C9orf43: variants seen among roughly 807,000 people sequenced by gnomAD.
C9orf43 encodes the protein uncharacterized protein C9orf43.
C9orf43 carries 45 observed loss-of-function variants against 59.1 expected under a neutral mutation model. The observed-to-expected ratio is 0.76, with a 90% CI of 0.60 to 0.98. The LOEUF is 0.98. C9orf43 is among the 50% of genes least tolerant of loss of function. C9orf43 has a pLI of 0.00. For missense variants in C9orf43, 533 were observed against 554.9 expected, an observed-to-expected ratio of 0.96 and a Z score of 0.40; for synonymous variants, 203 against 196.8, an observed-to-expected ratio of 1.03 and a Z score of -0.26.
Position 113,423,414 on chromosome 9 carries a change from C to T in C9orf43, c.572C>T (p.Pro191Leu), listed in dbSNP as rs1160464964. Reference protein sequence around the residue: ...TPGMIVPPPTPVQLSEQFSSD... With the variant: ...TPGMIVPPPTLVQLSEQFSSD... ...GGGATGATCGTGCCTCCCCCAACCCCAGTGCAATTGTCTGAACAATTCAGT... is the reference window on the plus strand; with the variant it reads ...GGGATGATCGTGCCTCCCCCAACCCTAGTGCAATTGTCTGAACAATTCAGT... The change falls in exon 7 of 14, where the codon CCA becomes CTA. Residue 191 changes from proline (P) to leucine (L), a missense_variant. By Grantham distance (98) the Pro-to-Leu change is moderately conservative. Transcript: ENST00000374165. 2 of 1,614,120 alleles carry T rather than the reference C, an allele frequency of 1.2e-6. No homozygotes were observed. Among genetic ancestry groups the T allele is most frequent in the Non-Finnish European group, 1.7e-6 (2 of 1,179,974 alleles).
At chr9:113,415,670 C>CTTTTTT (rs919302860) in intron 3 of C9orf43, among the ~76,000 whole-genome samples, 2 of 148,454 alleles carry the variant, frequency 1.3e-5, no homozygotes, top group Admixed American at 1.3e-4. Flanking sequence ...AAAGCAGTGC[C>CTTTTTT]TTTTTTTTTT....
At chr9:113,422,831 G>C (rs997943851) in intron 6 of C9orf43, among the ~76,000 whole-genome samples, 3 of 150,906 alleles carry the variant, frequency 2.0e-5, no homozygotes, top group Admixed American at 6.6e-5. Flanking sequence ...TGCGTGTTCA[G>C]GGGGGGAGTT....
At chr9:113,419,776 A>G (rs1274090667) in intron 4 of C9orf43, among the ~76,000 whole-genome samples, 1 of 152,232 alleles carries the variant, frequency 6.6e-6, no homozygotes, top group Non-Finnish European at 1.5e-5. Flanking sequence ...CCTATCTTAT[A>G]TATCTTGCAG....
chr9:113,424,273 T>G lies in C9orf43; in HGVS notation c.764T>G (p.Ile255Ser), dbSNP rs766500320. The G allele has an allele frequency of 3.7e-6, 6 of 1,614,064 alleles. No individual in the cohort carries two copies. In the East Asian group the frequency reaches 1.3e-4, roughly 36 times the overall value. ...PLEKNRPDSV[I>S]SSKMFLSIHR... Reference sequence around the variant, plus strand: ...GAAAAGAACCGACCTGACAGTGTGATTTCTTCTAAGATGTTTCTATCTATA... The same window carrying G: ...GAAAAGAACCGACCTGACAGTGTGAGTTCTTCTAAGATGTTTCTATCTATA... Residue 255 changes from isoleucine to serine, a missense_variant, in exon 8 of 14, where the codon ATT (isoleucine) becomes AGT (serine). Transcript: ENST00000374165.
intron 5 of C9orf43, 133 bp downstream of exon 5, chr9:113,421,336 G>A (rs996447677): frequency 3.1e-6 from 2 of 642,046 alleles, no homozygotes; most frequent in Non-Finnish European, 5.5e-6. Flanking sequence ...GAAGGTCGTG[G>A]TCTGTTGCAT....
intron 4 of C9orf43, among the ~76,000 whole-genome samples, chr9:113,419,864 A>G (rs918142318): frequency 3.3e-5 from 5 of 152,198 alleles, no homozygotes; most frequent in African/African-American, 1.2e-4. Context: ...AAATTTAGGA[A>G]GAAAAAACCC....
At position 113,410,888 on chromosome 9, in the gene C9orf43, G is replaced by A. The variant is rs918809231; in HGVS notation, c.-163G>A. 1.0e-6 allele frequency: 1 copy of A among 955,672 alleles called. No individual in the cohort carries two copies. The highest frequency in any genetic ancestry group is 1.8e-5 in the African/African-American group (1 of 56,606). The allele number at this position is 955,672 out of a possible 1,614,324, so 59.2% of individuals were successfully genotyped here. A position where few individuals can be genotyped will look rare whatever the true frequency, so the allele number is the denominator to read the frequency against. On this transcript the variant is annotated 5_prime_UTR_variant, in exon 1 of 14. Coordinates refer to ENST00000374165, the MANE Select transcript of C9orf43 (RefSeq NM_001278629.2). Reference sequence around the variant, plus strand: ...ACAGGACCTCAGCCCGTCGTGATCAGATTCTCCCACTTTCTTTTTTCTTTC... The same window carrying A: ...ACAGGACCTCAGCCCGTCGTGATCAAATTCTCCCACTTTCTTTTTTCTTTC...
chr9:113,413,585 T>A lies in C9orf43; in HGVS notation c.92T>A (p.Ile31Asn). The A allele has an allele frequency of 6.2e-7, 1 of 1,614,228 alleles. No individual in the cohort carries two copies. The highest frequency in any genetic ancestry group is 8.5e-7 in the Non-Finnish European group (1 of 1,180,042). ...HPQCWATIRR[I>N]ERGHPRILGS... ...CAATGCTGGGCAACTATCCGCCGCA[T>A]TGAGAGGGGCCATCCTCGAATCCTC... is the stretch of plus-strand genomic sequence containing the variant. Residue 31 changes from isoleucine to asparagine, a missense_variant, in exon 2 of 14, where the codon ATT (isoleucine) becomes AAT (asparagine). Transcript: ENST00000374165.
chr9:113,425,125 C>T, intron 9 of C9orf43, 49 bp downstream of exon 9: 1 of 1,567,524 alleles, frequency 6.4e-7, no homozygotes. Flanking sequence ...TTCTGTTAGC[C>T]CACATTTCTC....
intron 1 of C9orf43, among the ~76,000 whole-genome samples, chr9:113,413,100 G>T (rs1445470839): frequency 1.3e-5 from 2 of 152,178 alleles, no homozygotes; most frequent in African/African-American, 4.8e-5. Context: ...GGAACAATAT[G>T]CCAGGCTTTT....
rs773390101 is a variant in C9orf43 at position 113,429,359 on chromosome 9, G to A, written c.1359G>A (p.Glu453=). 1 of 1,614,134 alleles carries A rather than the reference G, an allele frequency of 6.2e-7. No individual in the cohort carries two copies. The highest frequency in any genetic ancestry group is 8.5e-7 in the Non-Finnish European group (1 of 1,180,032). The change falls in exon 14 of 14, where the codon GAG becomes GAA. Residue 453 remains glutamate (E), a synonymous_variant. Coordinates refer to ENST00000374165, the MANE Select transcript of C9orf43 (RefSeq NM_001278629.2). ...RILQDTDDED[E]EDQSSGAE ...TTCAGGACACTGATGATGAGGATGA[G>A]GAGGACCAGTCCTCTGGGGCAGAGT...
intron 8 of C9orf43, among the ~76,000 whole-genome samples, chr9:113,424,685 G>C (rs577574456): frequency 6.6e-6 from 1 of 151,802 alleles, no homozygotes. Flanking sequence ...CGCCACCATG[G>C]CTGGCTAATT....
intron 1 of C9orf43, among the ~76,000 whole-genome samples, chr9:113,412,498 GAA>G (rs1002178653): frequency 2.6e-5 from 4 of 152,162 alleles, no homozygotes; most frequent in African/African-American, 9.7e-5. Flanking sequence ...ATAAAAGAAA[GAA>G]ATGGACACTG....
At chr9:113,416,023 G>A (rs1277738646) in intron 3 of C9orf43, among the ~76,000 whole-genome samples, 2 of 152,132 alleles carry the variant, frequency 1.3e-5, no homozygotes, top group African/African-American at 2.4e-5. Context: ...TGCCATGCCC[G>A]CCATGTATAG....
chr9:113,419,271 G>C (rs1828484357), intron 4 of C9orf43, 106 bp downstream of exon 4: 2 of 814,176 alleles, frequency 2.5e-6, no homozygotes, highest in Non-Finnish European at 3.9e-6. Context: ...ACTAAAATCT[G>C]AATAGTAATG....
At position 113,413,482 on chromosome 9, in the gene C9orf43, C is replaced by T. The variant is rs1828246427; in HGVS notation, c.-12C>T. 1.9e-6 allele frequency: 3 copies of T among 1,608,132 alleles called. No homozygotes were observed. Among genetic ancestry groups the T allele is most frequent in the Non-Finnish European group, 2.6e-6 (3 of 1,175,056 alleles). ...CTGCAGGGTTGGCCTTTGGCCTAAA[C>T]CATTTCTAGCTATGGACTTGCCAGA... On this transcript the variant is annotated 5_prime_UTR_variant, in exon 2 of 14. Coordinates refer to ENST00000374165, the MANE Select transcript of C9orf43 (RefSeq NM_001278629.2).
intron 1 of C9orf43, among the ~76,000 whole-genome samples, chr9:113,412,196 G>T (rs1171304038): frequency 6.6e-6 from 1 of 152,246 alleles, no homozygotes; most frequent in East Asian, 1.9e-4. Context: ...GAAACCATCA[G>T]GGCTGCTCAG....
intron 6 of C9orf43, 38 bp downstream of exon 6, chr9:113,422,623 G>A: frequency 6.2e-7 from 1 of 1,608,536 alleles, no homozygotes; most frequent in Non-Finnish European, 8.5e-7. Flanking sequence ...TTATAATATT[G>A]CTATGTAGAG....
At position 113,423,491 on chromosome 9, in the gene C9orf43, CTGAAGGAGTA is replaced by C. The variant is rs1173268174; in HGVS notation, c.650_656+3del. 6.1e-5 allele frequency: 98 copies of C among 1,612,934 alleles called. No homozygotes were observed. Among genetic ancestry groups the C allele is most frequent in the Non-Finnish European group, 8.2e-5 (97 of 1,179,148 alleles). On this transcript the variant is annotated splice_donor_variant and splice_donor_region_variant and coding_sequence_variant and intron_variant, in exon 7 of 14. Coordinates refer to ENST00000374165, the MANE Select transcript of C9orf43 (RefSeq NM_001278629.2). LOFTEE classifies it high-confidence loss of function. ...ATCCGAAGCGTTACCTCAGGATCTA[CTGAAGGAGTA>C]AGTATCATGTAGGTCTGTGGGAGAG...
Sources: gnomAD v4.1 joint callset for allele counts (sites outside exome capture counted in the v4.1 genomes callset) on GRCh38, gnomAD v4.1.1 for gene constraint, MANE v1.5 for transcripts, NCBI Gene and HGNC (gene_info 2026-07-23, HGNC 2026-07-21) for gene names.